The following PHC2 variants were observed in gnomAD, a reference collection of about 807,000 sequenced individuals.
PHC2 encodes the protein polyhomeotic-like protein 2.
Under a neutral mutation model 87.4 loss-of-function variants are expected in PHC2, and 29 were observed. The observed-to-expected ratio is 0.33, with a 90% CI of 0.25 to 0.45. The LOEUF is 0.45. Ranked by LOEUF, PHC2 falls within the 20% of genes least tolerant of loss-of-function variation. PHC2 has a pLI of 1.00. For synonymous variants in PHC2, 438 were observed against 461.7 expected (o/e 0.95, Z 0.66); for missense variants, 857 against 1,136.7 (o/e 0.75, Z 3.54).
rs1213454412 is a variant in PHC2 at position 33,364,003 on chromosome 1, C to A, written c.976+3113G>T. On this transcript the variant is annotated intron_variant, in intron 7 of 14. Transcript: ENST00000683057. The surrounding 1 kb of genome is among the most constrained non-coding windows in gnomAD (Gnocchi z 4.1). ...TTCTCCGCCCCTTACTCCCCTCCCCCACCTGCTCCCCCACCCCTATTCTCG... is the reference window on the plus strand; with the variant it reads ...TTCTCCGCCCCTTACTCCCCTCCCCAACCTGCTCCCCCACCCCTATTCTCG... 3.6e-6 allele frequency: 2 copies of A among 555,612 alleles called. No homozygotes were observed. Among genetic ancestry groups the A allele is most frequent in the Non-Finnish European group, 4.6e-6 (2 of 437,122 alleles). 34.4% of individuals were successfully genotyped at this position (555,612 alleles called of 1,614,324 possible).
chr1:33,429,722 G>C (rs1650821666), intron 1 of PHC2, among the ~76,000 whole-genome samples: 1 of 152,218 alleles, frequency 6.6e-6, no homozygotes. Flanking sequence ...CAGAGTGCCT[G>C]GCATATGCCA....
intron 1 of PHC2, among the ~76,000 whole-genome samples, chr1:33,384,016 C>T (rs1003931236): frequency 6.6e-6 from 1 of 152,228 alleles, no homozygotes; most frequent in Non-Finnish European, 1.5e-5. Flanking sequence ...TTTGTTAAGG[C>T]GGCCTTAGGG....
chr1:33,406,006 T>C (rs1649746758), intron 1 of PHC2, among the ~76,000 whole-genome samples: 2 of 152,166 alleles, frequency 1.3e-5, no homozygotes, highest in African/African-American at 2.4e-5. Flanking sequence ...CTTAGTGAAA[T>C]TTGACAATTG....
In PHC2 at chr1:33,415,123, C is replaced by T. The variant is rs113616592; in HGVS notation, c.-55+15853G>A. Among the ~76,000 whole-genome samples the T allele has an allele frequency of 6.1e-3, 927 of 152,196 alleles. 15 individuals carry two copies. The highest frequency in any genetic ancestry group is 0.021 in the African/African-American group (887 of 41,508). ...GGAGGGGGAATGGATCTCACCGAGTCGAGGTGACTGAGATTAGACATCCAG... is the reference window on the plus strand; with the variant it reads ...GGAGGGGGAATGGATCTCACCGAGTTGAGGTGACTGAGATTAGACATCCAG... On this transcript the variant is annotated intron_variant, in intron 1 of 14. Coordinates refer to ENST00000683057, the MANE Select transcript of PHC2 (RefSeq NM_001385109.1).
intron 14 of PHC2, among the ~76,000 whole-genome samples, chr1:33,328,104 G>A (rs1646410330): frequency 6.6e-6 from 1 of 152,198 alleles, no homozygotes; most frequent in African/African-American, 2.4e-5. Flanking sequence ...GACCTGGTCG[G>A]TGTATGAGTG....
At chr1:33,390,045 GA>G (rs1648971167) in intron 1 of PHC2, among the ~76,000 whole-genome samples, 1 of 152,074 alleles carries the variant, frequency 6.6e-6, no homozygotes, top group South Asian at 2.1e-4. Flanking sequence ...CAACTGAATA[GA>G]AAAAAAGTGC....
At chr1:33,359,413 G>A (rs1647154148) in intron 7 of PHC2, among the ~76,000 whole-genome samples, 1 of 152,210 alleles carries the variant, frequency 6.6e-6, no homozygotes, top group Non-Finnish European at 1.5e-5. Flanking sequence ...GTTGACTAGA[G>A]TTTGATGTTA....
At chr1:33,367,696 G>A (rs61801976) in intron 6 of PHC2, among the ~76,000 whole-genome samples, 3,444 of 152,244 alleles carry the variant, frequency 0.023, 64 homozygotes, top group Non-Finnish European at 0.034. Flanking sequence ...GCGGGCAGGG[G>A]TGGGGAGGCC....
intron 7 of PHC2, among the ~76,000 whole-genome samples, chr1:33,360,602 G>C (rs1474440735): frequency 3.3e-5 from 5 of 152,222 alleles, no homozygotes; most frequent in Admixed American, 3.3e-4. Flanking sequence ...CACTGCCTTT[G>C]CTCAACACTT....
At chr1:33,396,745 G>A (rs1193400322) in intron 1 of PHC2, among the ~76,000 whole-genome samples, 3 of 152,170 alleles carry the variant, frequency 2.0e-5, no homozygotes, top group East Asian at 1.9e-4. Context: ...TTCCTGCCCC[G>A]TAACTGATAA....
chr1:33,372,057 C>T (rs1647880132), intron 3 of PHC2, among the ~76,000 whole-genome samples: 1 of 152,248 alleles, frequency 6.6e-6, no homozygotes, highest in Non-Finnish European at 1.5e-5. Flanking sequence ...CTCCCCGGCA[C>T]TTCTTCCATG....
intron 7 of PHC2, among the ~76,000 whole-genome samples, chr1:33,360,489 G>A (rs1213639351): frequency 6.6e-6 from 1 of 152,216 alleles, no homozygotes; most frequent in Non-Finnish European, 1.5e-5. Context: ...TAGATAAATT[G>A]CTCAACCTCT....
intron 7 of PHC2, among the ~76,000 whole-genome samples, chr1:33,360,263 C>T (rs768692809): frequency 2.0e-5 from 3 of 152,268 alleles, no homozygotes; most frequent in Non-Finnish European, 2.9e-5. Context: ...GCCTGTTCTG[C>T]AGCCCTCTGG....
At chr1:33,345,870 CTAGT>C (rs1208718666) in intron 9 of PHC2, 3 of 984,166 alleles carry the variant, frequency 3.0e-6, no homozygotes, top group Non-Finnish European at 3.6e-6. Context: ...TCTGATGTGG[CTAGT>C]AATTCAAATG....
At position 33,355,361 on chromosome 1, in the gene PHC2, A is replaced by G. The variant is rs1182754955; in HGVS notation, c.977-108T>C. ...AAATAAAAATGGCTTCCCAAATTCA[A>G]TGTCTCTTGTTTTCATCTCTTTCAT... is the stretch of plus-strand genomic sequence containing the variant. On this transcript the variant is annotated intron_variant, in intron 7 of 14. Coordinates refer to ENST00000683057, the MANE Select transcript of PHC2 (RefSeq NM_001385109.1). 7.1e-5 allele frequency: 68 copies of G among 963,276 alleles called. No homozygotes were observed. In the Admixed American group the frequency reaches 1.9e-3, roughly 27 times the overall value. 59.7% of individuals were successfully genotyped at this position (963,276 alleles called of 1,614,324 possible). A position where few individuals can be genotyped will look rare whatever the true frequency, so the allele number is the denominator to read the frequency against.
intron 1 of PHC2, among the ~76,000 whole-genome samples, chr1:33,428,994 C>T (rs1650795748): frequency 6.6e-6 from 1 of 152,264 alleles, no homozygotes; most frequent in African/African-American, 2.4e-5. Context: ...CTTCCAGCTT[C>T]TGATCTTACT....
rs1000847093 is a variant in PHC2 at position 33,331,842 on chromosome 1, A to C, written c.1892-380T>G. On this transcript the variant is annotated intron_variant, in intron 11 of 14. Transcript: ENST00000683057. The surrounding 1 kb of genome is among the most constrained non-coding windows in gnomAD (Gnocchi z 5.2). ...GATCTATGCAGCTGGCTGCTGACCC[A>C]GTAAAAGACCTCAGGAGCCCACGCT... 3 of 288,554 alleles carry C rather than the reference A, an allele frequency of 1.0e-5. No individual in the cohort carries two copies. Among genetic ancestry groups the C allele is most frequent in the Non-Finnish European group, 2.0e-5 (3 of 152,224 alleles). The allele number at this position is 288,554 out of a possible 1,614,324, so 17.9% of individuals were successfully genotyped here. A position where few individuals can be genotyped will look rare whatever the true frequency, so the allele number is the denominator to read the frequency against.
intron 7 of PHC2, chr1:33,363,167 CT>C (rs1249865254): frequency 6.6e-6 from 1 of 152,206 alleles, no homozygotes; most frequent in Admixed American, 6.5e-5. Context: ...TGTCAGTCTG[CT>C]TTCTCTCTCA....
Position 33,364,474 on chromosome 1 carries a change from C to G in PHC2, c.976+2642G>C, listed in dbSNP as rs1647333616. Among the ~76,000 whole-genome samples, 1 of 151,988 alleles carries G rather than the reference C, an allele frequency of 6.6e-6. No homozygotes were observed. Reference sequence around the variant, plus strand: ...GCTCTCAGATCCCTTGGTTCATTGACAGTGGGTTGGCTGGGCAGGAGGCCA... The same window carrying G: ...GCTCTCAGATCCCTTGGTTCATTGAGAGTGGGTTGGCTGGGCAGGAGGCCA... On this transcript the variant is annotated intron_variant, in intron 7 of 14. Transcript: ENST00000683057. This position sits in a 1 kb window ranked among gnomAD's most constrained non-coding sequence, Gnocchi z 4.1.
Sources: allele counts gnomAD v4.1 joint callset (sites outside exome capture counted in the v4.1 genomes callset), GRCh38; gene constraint gnomAD v4.1.1; non-coding constraint Gnocchi (gnomAD v3.1); transcripts MANE v1.5; gene names NCBI Gene and HGNC (gene_info 2026-07-23, HGNC 2026-07-21).